Variants in SGCD observed in about 807,000 individuals in gnomAD.
SGCD encodes the protein sarcoglycan delta, also known as delta-sarcoglycan.
In SGCD, 18 loss-of-function variants were observed where a neutral mutation model predicts 36.6. The ratio of observed to expected loss-of-function variants is 0.49; its 90% CI spans 0.34 to 0.73. The LOEUF (loss-of-function observed/expected upper bound fraction) is 0.73. SGCD is among the 30% of genes least tolerant of loss of function. SGCD has a pLI of 0.01. For missense variants in SGCD, 387 were observed against 346.7 expected (o/e 1.12, Z -0.92); for synonymous variants, 133 against 130.6 (o/e 1.02, Z -0.12).
chr5:156,290,904 T>G (rs1241881764), intron 3 of SGCD, among the ~76,000 whole-genome samples: 3 of 152,118 alleles, frequency 2.0e-5, no homozygotes, highest in African/African-American at 7.2e-5. Context: ...AATAGTAAAT[T>G]TTAGGCTTTG....
intron 3 of SGCD, among the ~76,000 whole-genome samples, chr5:156,481,332 A>G (rs1755416149): frequency 6.6e-6 from 1 of 152,132 alleles, no homozygotes; most frequent in South Asian, 2.1e-4. Context: ...GGTCTGTGTC[A>G]TTGATATTTT....
intron 4 of SGCD, among the ~76,000 whole-genome samples, chr5:156,582,821 G>GCACACA (rs749556271): frequency 6.6e-6 from 1 of 150,566 alleles, no homozygotes; most frequent in Non-Finnish European, 1.5e-5. Context: ...ATGTGCACGC[G>GCACACA]CACACACACA....
the SGCD span, among the ~76,000 whole-genome samples, chr5:155,791,089 A>G: frequency 1.3e-5 from 2 of 152,192 alleles, no homozygotes; most frequent in Non-Finnish European, 2.9e-5. Context: ...AGGCTTTGAA[A>G]TCATGATGAT....
chr5:155,965,884 C>A (rs1001089935), intron 1 of SGCD, among the ~76,000 whole-genome samples: 4 of 152,072 alleles, frequency 2.6e-5, no homozygotes, highest in African/African-American at 7.2e-5. Flanking sequence ...CGTTCGTCCC[C>A]CTTTGTTCAG....
At chr5:155,807,592 C>A in the SGCD span, among the ~76,000 whole-genome samples, 1 of 152,168 alleles carries the variant, frequency 6.6e-6, no homozygotes, top group Non-Finnish European at 1.5e-5. Context: ...TCCATAAATC[C>A]CATAAAACAC....
chr5:155,823,304 GAAA>G, the SGCD span, among the ~76,000 whole-genome samples: 2,444 of 110,494 alleles, frequency 0.022, 81 homozygotes, highest in African/African-American at 0.069. Flanking sequence ...CAGTGAAGCA[GAAA>G]AAAAAAAAAA....
intron 3 of SGCD, among the ~76,000 whole-genome samples, chr5:156,311,658 C>T (rs370541075): frequency 6.6e-6 from 1 of 152,082 alleles, no homozygotes; most frequent in African/African-American, 2.4e-5. Context: ...GCTCCATTAC[C>T]CTCCTCTACC....
At chr5:156,281,774 A>T (rs953961491) in intron 3 of SGCD, among the ~76,000 whole-genome samples, 3 of 152,220 alleles carry the variant, frequency 2.0e-5, no homozygotes, top group Admixed American at 1.3e-4. Context: ...AGCTTCAGGC[A>T]TGGTTAGATC....
intron 3 of SGCD, among the ~76,000 whole-genome samples, chr5:156,301,304 A>T (rs111685399): frequency 5.3e-5 from 8 of 152,170 alleles, no homozygotes; most frequent in African/African-American, 1.9e-4. Flanking sequence ...GCACATAACA[A>T]GTTTAACCCA....
chr5:156,371,469 TA>T (rs1770381159), intron 3 of SGCD, among the ~76,000 whole-genome samples: 1 of 152,158 alleles, frequency 6.6e-6, no homozygotes, highest in African/African-American at 2.4e-5. Flanking sequence ...TGGAAAAAGT[TA>T]AAGTTTCCTC....
At chr5:156,645,160 G>A (rs553737905) in intron 6 of SGCD, among the ~76,000 whole-genome samples, 1 of 152,168 alleles carries the variant, frequency 6.6e-6, no homozygotes, top group Non-Finnish European at 1.5e-5. Context: ...AGCTGAAATG[G>A]CTTTATGGAT....
chr5:156,676,214 A>C (rs937531107), intron 7 of SGCD, among the ~76,000 whole-genome samples: 4 of 152,132 alleles, frequency 2.6e-5, no homozygotes, highest in Non-Finnish European at 4.4e-5. Context: ...AAGCCAATTG[A>C]GTACCTATTT....
chr5:156,426,547 G>GC (rs1773679257), intron 3 of SGCD, among the ~76,000 whole-genome samples: 1 of 152,090 alleles, frequency 6.6e-6, no homozygotes, highest in Non-Finnish European at 1.5e-5. Context: ...CTTTTGCTGT[G>GC]CAGAAGCTTT....
At chr5:156,424,133 G>A (rs1773562597) in intron 3 of SGCD, among the ~76,000 whole-genome samples, 1 of 151,650 alleles carries the variant, frequency 6.6e-6, no homozygotes, top group African/African-American at 2.4e-5. Flanking sequence ...CATATTGTTG[G>A]TACCATAGAA....
intron 5 of SGCD, among the ~76,000 whole-genome samples, chr5:156,593,053 T>C (rs1013267740): frequency 6.6e-5 from 10 of 152,214 alleles, no homozygotes; most frequent in African/African-American, 2.2e-4. Context: ...TTTCTTTTTA[T>C]AAACACAATG....
chr5:156,482,813 GTTTTTTTTTTTT>G (rs3074979), intron 3 of SGCD, among the ~76,000 whole-genome samples: 1 of 83,380 alleles, frequency 1.2e-5, no homozygotes, highest in Non-Finnish European at 2.1e-5. Context: ...CTTTTGGTCA[GTTTTTTTTTTTT>G]TTTTTTTTTT....
At chr5:156,650,299 G>A (rs1453534159) in intron 7 of SGCD, among the ~76,000 whole-genome samples, 1 of 152,024 alleles carries the variant, frequency 6.6e-6, no homozygotes, top group Non-Finnish European at 1.5e-5. Context: ...AAAGTTATAG[G>A]TATGTCCCAC....
intron 3 of SGCD, among the ~76,000 whole-genome samples, chr5:156,429,265 C>CTTTT (rs3074973): frequency 0.022 from 2,735 of 123,700 alleles, 36 homozygotes; most frequent in African/African-American, 0.031. Flanking sequence ...CCCTCATTGT[C>CTTTT]TTTTTTTTTT....
Position 156,168,670 on chromosome 5 carries a change from T to G in SGCD, c.-44+44651T>G, listed in dbSNP as rs556975507. 2.6e-5 allele frequency among the ~76,000 whole-genome samples: 4 copies of G among 152,354 alleles called. No individual in the cohort carries two copies. The South Asian group carries it at 8.3e-4, about 32-fold the overall frequency. On this transcript the variant is annotated intron_variant, in intron 3 of 9. Coordinates refer to the SGCD transcript ENST00000517913. ...GAAACAAAAACGTATTCAATTGTAT[T>G]TGTTCATCCTAATAATCCTCGTAGA...
Sources: gnomAD v4.1 joint callset for allele counts (sites outside exome capture counted in the v4.1 genomes callset) on GRCh38, gnomAD v4.1.1 for gene constraint, MANE v1.5 for transcripts, NCBI Gene and HGNC (gene_info 2026-07-23, HGNC 2026-07-21) for gene names.